The following SEPTIN3 variants were observed in gnomAD, a reference collection of about 807,000 sequenced individuals.
SEPTIN3 encodes the protein neuronal-specific septin-3.
In SEPTIN3, 15 loss-of-function variants were observed where a neutral mutation model predicts 45.1. The observed-to-expected ratio is 0.33, with a 90% CI of 0.22 to 0.51. The LOEUF (loss-of-function observed/expected upper bound fraction) is 0.51, where lower values mean the gene tolerates loss of function less well. Ranked by LOEUF, SEPTIN3 falls within the 20% of genes least tolerant of loss-of-function variation. SEPTIN3 has a pLI of 0.97. For missense variants in SEPTIN3, 289 were observed against 457.2 expected (o/e 0.63, Z 3.35); for synonymous variants, 148 against 164.8 (o/e 0.90, Z 0.78).
In SEPTIN3 at chr22:41,994,540, G is replaced by C. The variant is rs544926677; in HGVS notation, c.2412-81G>C. 3.1e-6 allele frequency: 5 copies of C among 1,598,580 alleles called. No individual in the cohort carries two copies. In the African/African-American group the frequency reaches 5.4e-5, roughly 17 times the overall value. ...GAGTGGTTCCCATTCACTGGGTCCAGTCCCTCGAAGTGATGTGTGTCACCG... is the reference window on the plus strand; with the variant it reads ...GAGTGGTTCCCATTCACTGGGTCCACTCCCTCGAAGTGATGTGTGTCACCG... On this transcript the variant is annotated intron_variant, in intron 10 of 11. Transcript: ENST00000644076. This position sits in a 1 kb window ranked among gnomAD's most constrained non-coding sequence, Gnocchi z 4.2.
chr22:41,979,345 T>C (rs2078084778), intron 2 of SEPTIN3, among the ~76,000 whole-genome samples: 1 of 152,112 alleles, frequency 6.6e-6, no homozygotes. Context: ...CATAAGTAAA[T>C]ACAAGGCATA....
At chr22:41,993,962 G>A (rs532760465) in intron 9 of SEPTIN3, among the ~76,000 whole-genome samples, 7 of 152,336 alleles carry the variant, frequency 4.6e-5, no homozygotes, top group African/African-American at 1.7e-4. Flanking sequence ...AGCTTCTGAA[G>A]AATGGGAAGT....
chr22:41,987,410 C>T, intron 5 of SEPTIN3, 123 bp downstream of exon 5: 1 of 1,121,104 alleles, frequency 8.9e-7, no homozygotes, highest in Non-Finnish European at 1.3e-6. Context: ...CCCGACAGCC[C>T]AGGCCAGGGC....
intron 3 of SEPTIN3, among the ~76,000 whole-genome samples, chr22:41,985,064 C>T (rs1007578531): frequency 6.6e-6 from 1 of 151,468 alleles, no homozygotes; most frequent in Non-Finnish European, 1.5e-5. Context: ...ACCGTGTTAG[C>T]CAGGATGGAC....
At chr22:41,996,217 GTATT>G in intron 11 of SEPTIN3, 7 of 985,070 alleles carry the variant, frequency 7.1e-6, no homozygotes, top group Non-Finnish European at 8.4e-6. Context: ...CTGAAGCCCT[GTATT>G]TATTAATGCA....
At chr22:41,993,650 CTGG>C (rs2078364163) in intron 9 of SEPTIN3, among the ~76,000 whole-genome samples, 1 of 152,102 alleles carries the variant, frequency 6.6e-6, no homozygotes, top group Non-Finnish European at 1.5e-5. Context: ...ACCACCATGC[CTGG>C]TGATTTTATT....
At chr22:41,996,708 A>G in intron 11 of SEPTIN3, 194 bp from the exon 12 acceptor site, 1 of 1,461,810 alleles carries the variant, frequency 6.8e-7, no homozygotes, top group Non-Finnish European at 9.0e-7. Flanking sequence ...CTACTGTAGA[A>G]GCAGTCCTGT....
chr22:41,980,850 T>A (rs900566665), intron 2 of SEPTIN3, among the ~76,000 whole-genome samples: 21 of 152,106 alleles, frequency 1.4e-4, no homozygotes, highest in African/African-American at 5.1e-4. Flanking sequence ...CTCATCTGGT[T>A]CTCATCCCCT....
chr22:41,987,296 C>T lies in SEPTIN3; in HGVS notation c.1907+9C>T. 1 of 1,608,484 alleles carries T rather than the reference C, an allele frequency of 6.2e-7. No individual in the cohort carries two copies. The highest frequency in any genetic ancestry group is 1.3e-5 in the African/African-American group (1 of 74,810). On this transcript the variant is annotated intron_variant, in intron 5 of 11. Coordinates refer to ENST00000644076, the MANE Select transcript of SEPTIN3 (RefSeq NM_001363845.2). ...ATCAACAATGAAAACTGGTATCTGTCTGCCTCTGAGATCTTTGCCCTAAAG... is the reference window on the plus strand; with the variant it reads ...ATCAACAATGAAAACTGGTATCTGTTTGCCTCTGAGATCTTTGCCCTAAAG...
chr22:41,996,786 G>A, intron 11 of SEPTIN3, 116 bp from the exon 12 acceptor site: 4 of 1,544,922 alleles, frequency 2.6e-6, no homozygotes, highest in Non-Finnish European at 3.5e-6. Context: ...AGGCTGAGTA[G>A]GAATGGTGCC....
chr22:41,990,516 C>G (rs1404530372), intron 7 of SEPTIN3, among the ~76,000 whole-genome samples: 1 of 149,434 alleles, frequency 6.7e-6, no homozygotes, highest in Non-Finnish European at 1.5e-5. Context: ...GAGGCAGAGG[C>G]GGGTGAATCA....
intron 9 of SEPTIN3, 122 bp downstream of exon 9, chr22:41,992,885 G>A (rs2078341370): frequency 1.4e-6 from 1 of 712,054 alleles, no homozygotes; most frequent in Admixed American, 2.2e-5. Flanking sequence ...GCCAGATTCT[G>A]CCCATAAGGA....
Position 41,995,129 on chromosome 22 carries a change from A to G in SEPTIN3, c.2505+415A>G. 3 of 1,081,232 alleles carry G rather than the reference A, an allele frequency of 2.8e-6. No homozygotes were observed. In the South Asian group the frequency reaches 8.7e-5, roughly 31 times the overall value. The allele number at this position is 1,081,232 out of a possible 1,614,324, so 67.0% of individuals were successfully genotyped here. On this transcript the variant is annotated intron_variant, in intron 11 of 11. Coordinates refer to ENST00000644076, the MANE Select transcript of SEPTIN3 (RefSeq NM_001363845.2). ...TAAAAGTGCTGGGAGCAGGTGAGCC[A>G]CAGGCAACTCTTCTCTCGGAACCTG...
Position 41,997,050 on chromosome 22 carries a change from GT to G in SEPTIN3, c.*84del. 6.2e-7 allele frequency: 1 copy of G among 1,603,174 alleles called. No homozygotes were observed. Among genetic ancestry groups the G allele is most frequent in the Non-Finnish European group, 8.5e-7 (1 of 1,175,178 alleles). ...CCAAGCCCTTTTTAGTGCTGTGCTCGTCCAGCTCACCACCACAGCCCCTCTC... is the reference window on the plus strand; with the variant it reads ...CCAAGCCCTTTTTAGTGCTGTGCTCGCCAGCTCACCACCACAGCCCCTCTC... On this transcript the variant is annotated 3_prime_UTR_variant, in exon 12 of 12. Transcript: ENST00000644076.
chr22:41,988,120 G>T (rs557506876), intron 6 of SEPTIN3, among the ~76,000 whole-genome samples: 1 of 151,944 alleles, frequency 6.6e-6, no homozygotes, highest in African/African-American at 2.4e-5. Flanking sequence ...ATTGGAGTCG[G>T]AGGGAGCAGC....
In SEPTIN3 at chr22:41,987,301, T is replaced by C; in HGVS notation, c.1907+14T>C. 1 of 1,604,164 alleles carries C rather than the reference T, an allele frequency of 6.2e-7. No homozygotes were observed. The highest frequency in any genetic ancestry group is 8.5e-7 in the Non-Finnish European group (1 of 1,173,146). On this transcript the variant is annotated intron_variant, in intron 5 of 11. Coordinates refer to ENST00000644076, the MANE Select transcript of SEPTIN3 (RefSeq NM_001363845.2). Reference sequence around the variant, plus strand: ...CAATGAAAACTGGTATCTGTCTGCCTCTGAGATCTTTGCCCTAAAGACTCT... The same window carrying C: ...CAATGAAAACTGGTATCTGTCTGCCCCTGAGATCTTTGCCCTAAAGACTCT...
rs967662509 is a variant in SEPTIN3, at chr22:41,994,903, G to A, written c.2505+189G>A. 10 of 1,481,076 alleles carry A rather than the reference G, an allele frequency of 6.8e-6. No homozygotes were observed. The highest frequency in any genetic ancestry group is 2.8e-5 in the African/African-American group (2 of 71,558). 91.7% of individuals were successfully genotyped at this position (1,481,076 alleles called of 1,614,324 possible). Reference sequence around the variant, plus strand: ...CTTGTCTGTGTGTGTGTGTGTGTGTGTGTGTGTGTGTGTGTGTGTGACAGA... The same window carrying A: ...CTTGTCTGTGTGTGTGTGTGTGTGTATGTGTGTGTGTGTGTGTGTGACAGA... On this transcript the variant is annotated intron_variant, in intron 11 of 11. Transcript: ENST00000644076. This position sits in a 1 kb window ranked among gnomAD's most constrained non-coding sequence, Gnocchi z 4.2.
At position 41,985,977 on chromosome 22, in the gene SEPTIN3, G is replaced by T. The variant is rs747230838; in HGVS notation, c.1697-7G>T. The stretch of plus-strand genomic sequence containing the variant: ...TCTCCCTACCTCCTCCTCCTGCTTT[G>T]CTGTAGGCCAGAGTGGACTGGGCAA... On this transcript the variant is annotated splice_polypyrimidine_tract_variant and splice_region_variant and intron_variant, in intron 3 of 11. Coordinates refer to ENST00000644076, the MANE Select transcript of SEPTIN3 (RefSeq NM_001363845.2). 5.0e-6 allele frequency: 8 copies of T among 1,603,036 alleles called. No individual in the cohort carries two copies. The highest frequency in any genetic ancestry group is 6.0e-6 in the Non-Finnish European group (7 of 1,174,614).
At chr22:41,990,360 G>A (rs1014779659) in intron 7 of SEPTIN3, among the ~76,000 whole-genome samples, 5 of 151,636 alleles carry the variant, frequency 3.3e-5, no homozygotes, top group African/African-American at 1.2e-4. Flanking sequence ...AGCCCTCACT[G>A]GCATGTTCTA....
Sources: allele counts gnomAD v4.1 joint callset (sites outside exome capture counted in the v4.1 genomes callset), GRCh38; gene constraint gnomAD v4.1.1; non-coding constraint Gnocchi (gnomAD v3.1); transcripts MANE v1.5; gene names NCBI Gene and HGNC (gene_info 2026-07-23, HGNC 2026-07-21).